Variants in DHX15 observed in about 807,000 individuals in gnomAD.
DHX15 encodes the protein DEAH-box helicase 15.
DHX15 carries 11 observed loss-of-function variants against 94.4 expected under a neutral mutation model. The observed-to-expected ratio is 0.12, with a 90% CI of 0.07 to 0.19. The LOEUF is 0.19. Ranked by LOEUF, DHX15 falls within the 10% of genes least tolerant of loss-of-function variation. DHX15 has a pLI of 1.00. For synonymous variants in DHX15, 338 were observed against 329.9 expected (o/e 1.02, Z -0.27); for missense variants, 304 against 988.5 (o/e 0.31, Z 9.29).
intron 3 of DHX15, among the ~76,000 whole-genome samples, chr4:24,562,382 G>C (rs749644357): frequency 3.3e-5 from 5 of 152,116 alleles, no homozygotes; most frequent in Non-Finnish European, 7.4e-5. Flanking sequence ...GAGGAACAAT[G>C]ATGAAGGAAA....
Position 24,576,590 on chromosome 4 carries a change from C to T in DHX15, c.160G>A (p.Glu54Lys). 6.2e-7 allele frequency: 1 copy of T among 1,614,138 alleles called. No homozygotes were observed. Among genetic ancestry groups the T allele is most frequent in the Non-Finnish European group, 8.5e-7 (1 of 1,180,022 alleles). The change falls in exon 2 of 14, where the codon GAG (glutamate) becomes AAG (lysine). Residue 54 changes from glutamate (E) to lysine (K), a missense_variant. Physicochemically the swap from Glu to Lys is moderately conservative, Grantham distance 56. Around this residue, in one of 9 missense-constraint regions of DHX15, gnomAD observed 143 missense variants for 200.5 expected, o/e 0.71. Coordinates refer to ENST00000336812, the MANE Select transcript of DHX15 (RefSeq NM_001358.3). ...RDRGDREREREKEKEKELRAS... is the reference protein window; with the variant it reads ...RDRGDRERERKKEKEKELRAS... The stretch of plus-strand genomic sequence containing the variant: ...CGCAACTCCTTCTCCTTTTCTTTCT[C>T]CCTCTCTCGCTCTCTATCTCCTCTA...
At chr4:24,544,426 CT>C in intron 6 of DHX15, among the ~76,000 whole-genome samples, 1 of 152,196 alleles carries the variant, frequency 6.6e-6, no homozygotes, top group Admixed American at 6.5e-5. Context: ...AAAATGTTTC[CT>C]TTTGTCAGTT....
intron 13 of DHX15, among the ~76,000 whole-genome samples, chr4:24,528,590 T>A (rs926959125): frequency 1.3e-5 from 2 of 152,266 alleles, no homozygotes; most frequent in African/African-American, 4.8e-5. Context: ...CAAATCCGTA[T>A]AAGAAAGCAG....
chr4:24,538,910 C>T (rs1313974625), intron 10 of DHX15: 2 of 152,076 alleles, frequency 1.3e-5, no homozygotes, highest in Non-Finnish European at 2.9e-5. Flanking sequence ...AGTAAGTACA[C>T]AATCCATTAG....
At chr4:24,532,007 G>A (rs1186152420) in intron 12 of DHX15, among the ~76,000 whole-genome samples, 3 of 152,124 alleles carry the variant, frequency 2.0e-5, no homozygotes, top group Middle Eastern at 3.2e-3. Context: ...AAGCCACATC[G>A]TGCTTAAAAG....
chr4:24,584,503 C>G lies in DHX15; in HGVS notation c.-110G>C. On this transcript the variant is annotated 5_prime_UTR_variant, in exon 1 of 14. Transcript: ENST00000336812. ...AGGACCCCCACCCCTCCCGCTACTA[C>G]AGCCCACACGGTGCGGCCGGAACCA... 3 of 1,083,714 alleles carry G rather than the reference C, an allele frequency of 2.8e-6. No individual in the cohort carries two copies. In the South Asian group the frequency reaches 4.6e-5, roughly 16 times the overall value. 67.1% of individuals were successfully genotyped at this position (1,083,714 alleles called of 1,614,324 possible).
At chr4:24,535,709 A>G (rs1721181506) in intron 11 of DHX15, among the ~76,000 whole-genome samples, 2 of 152,134 alleles carry the variant, frequency 1.3e-5, no homozygotes, top group East Asian at 3.9e-4. Context: ...AACAGATGTA[A>G]ATCAAGTTAG....
intron 10 of DHX15, chr4:24,538,439 G>T (rs1721236880): frequency 6.6e-6 from 1 of 152,086 alleles, no homozygotes; most frequent in Admixed American, 6.5e-5. Flanking sequence ...TCACAGCTGT[G>T]AATTTTAATG....
In DHX15 at chr4:24,559,706, T is replaced by C. The variant is rs542530010; in HGVS notation, c.702-3296A>G. On this transcript the variant is annotated intron_variant, in intron 3 of 13. Coordinates refer to ENST00000336812, the MANE Select transcript of DHX15 (RefSeq NM_001358.3). ...CTGGGTGCCTTACTATCTACAGTGT[T>C]TTCCAACTGTTTTAGGGCAGAGATG... Among the ~76,000 whole-genome samples the C allele has an allele frequency of 3.1e-3, 472 of 152,300 alleles. 1 individual carries two copies. Among genetic ancestry groups the C allele is most frequent in the Non-Finnish European group, 3.9e-3 (262 of 68,020 alleles).
chr4:24,555,018 C>T (rs1721697344), intron 4 of DHX15, 75 bp from the exon 5 acceptor site: 1 of 1,160,326 alleles, frequency 8.6e-7, no homozygotes, highest in Non-Finnish European at 1.3e-6. Context: ...GCAATATTTA[C>T]TATTCTACAT....
At chr4:24,581,686 C>T (rs953777557) in intron 1 of DHX15, among the ~76,000 whole-genome samples, 53 of 152,020 alleles carry the variant, frequency 3.5e-4, no homozygotes, top group African/African-American at 1.2e-3. Context: ...CCATAATTAA[C>T]AGAAAAAACT....
rs1458334934 is a variant in DHX15 at position 24,540,306 on chromosome 4, G to T, written c.1595-7C>A. 1 of 1,607,138 alleles carries T rather than the reference G, an allele frequency of 6.2e-7. No individual in the cohort carries two copies. Among genetic ancestry groups the T allele is most frequent in the Non-Finnish European group, 8.5e-7 (1 of 1,176,718 alleles). ...CTCATCAGAGTTTCAGGAGCTAGTG[G>T]TAAAAGACAATCTATTAGACACGGT... On this transcript the variant is annotated splice_region_variant and splice_polypyrimidine_tract_variant and intron_variant, in intron 9 of 13. Transcript: ENST00000336812.
At position 24,540,130 on chromosome 4, in the gene DHX15, T is replaced by C; in HGVS notation, c.1764A>G (p.Leu588=). ...SCDYNCSNEV[L]SITAMLSVPQ... ...TACCTGACAACATAGCAGTAATAGA[T>C]AGGACCTCATTAGAACAGTTGTAGT... Residue 588 remains leucine, a synonymous_variant, in exon 10 of 14, where the codon CTA becomes CTG. Transcript: ENST00000336812. 3 of 1,607,002 alleles carry C rather than the reference T, an allele frequency of 1.9e-6. No homozygotes were observed. Among genetic ancestry groups the C allele is most frequent in the African/African-American group, 1.3e-5 (1 of 74,670 alleles).
intron 6 of DHX15, among the ~76,000 whole-genome samples, chr4:24,543,344 G>A (rs754152227): frequency 2.6e-5 from 4 of 152,084 alleles, no homozygotes; most frequent in African/African-American, 4.8e-5. Flanking sequence ...GCAATATAAC[G>A]TGCCTTACAA....
intron 8 of DHX15, 142 bp from the exon 9 acceptor site, chr4:24,541,090 GCTAGA>G (rs144387861): frequency 0.011 from 5,816 of 513,070 alleles, 49 homozygotes; most frequent in Non-Finnish European, 0.015. Context: ...ATACTTGTAG[GCTAGA>G]CTAGAGAGAA....
chr4:24,531,867 T>A (rs1721091823), intron 12 of DHX15, among the ~76,000 whole-genome samples: 1 of 152,368 alleles, frequency 6.6e-6, no homozygotes, highest in South Asian at 2.1e-4. Context: ...TATAATAAGA[T>A]GCCACAATAA....
intron 1 of DHX15, among the ~76,000 whole-genome samples, chr4:24,582,507 A>C (rs1361793030): frequency 6.6e-6 from 1 of 152,238 alleles, no homozygotes; most frequent in Non-Finnish European, 1.5e-5. Flanking sequence ...ATTTTGTTCC[A>C]ATCTGACCTC....
intron 11 of DHX15, among the ~76,000 whole-genome samples, chr4:24,535,463 T>G (rs990065150): frequency 6.6e-6 from 1 of 152,200 alleles, no homozygotes; most frequent in African/African-American, 2.4e-5. Context: ...TAGATCTGTC[T>G]AATCAGGGGT....
intron 1 of DHX15, 82 bp from the exon 2 acceptor site, chr4:24,576,760 T>C (rs1194420934): frequency 7.9e-6 from 12 of 1,524,384 alleles, no homozygotes; most frequent in African/African-American, 5.5e-5. Context: ...AGAGAGTAAA[T>C]GTCCAACGTT....
Sources: gnomAD v4.1 joint callset for allele counts (sites outside exome capture counted in the v4.1 genomes callset) on GRCh38, gnomAD v4.1.1 for gene constraint, gnomAD v4.1.1 regional missense constraint, MANE v1.5 for transcripts, NCBI Gene and HGNC (gene_info 2026-07-23, HGNC 2026-07-21) for gene names.